The following SNTG1 variants were observed in gnomAD, a reference collection of about 807,000 sequenced individuals.
SNTG1 encodes the protein gamma-1-syntrophin.
SNTG1 carries 39 observed loss-of-function variants against 74.7 expected under a neutral mutation model. The observed-to-expected ratio is 0.52, with a 90% CI of 0.40 to 0.68. The LOEUF (loss-of-function observed/expected upper bound fraction) is 0.68, where lower values mean the gene tolerates loss of function less well. Ranked by LOEUF, SNTG1 falls within the 30% of genes least tolerant of loss-of-function variation. The pLI, the probability that SNTG1 is intolerant of heterozygous loss-of-function variation, is 0.00. For synonymous variants in SNTG1, 254 were observed against 217.1 expected (o/e 1.17, Z -1.49); for missense variants, 685 against 609.5 (o/e 1.12, Z -1.30).
chr8:50,571,617 C>T (rs1290139139), intron 12 of SNTG1, among the ~76,000 whole-genome samples: 1 of 152,158 alleles, frequency 6.6e-6, no homozygotes, highest in Non-Finnish European at 1.5e-5. Flanking sequence ...ACCCTAAGTT[C>T]CTTAGGCTCA....
intron 15 of SNTG1, among the ~76,000 whole-genome samples, chr8:50,697,335 T>C (rs1017501094): frequency 6.6e-6 from 1 of 152,158 alleles, no homozygotes; most frequent in Non-Finnish European, 1.5e-5. Context: ...TGGTGTAGTC[T>C]TCAGATTTTT....
At chr8:50,283,693 G>A (rs1412092115) in intron 2 of SNTG1, among the ~76,000 whole-genome samples, 2 of 151,986 alleles carry the variant, frequency 1.3e-5, no homozygotes, top group Non-Finnish European at 2.9e-5. Context: ...ACATTACCTG[G>A]CCAAATCATT....
At chr8:50,315,472 A>T (rs1000556277) in intron 2 of SNTG1, among the ~76,000 whole-genome samples, 1 of 150,034 alleles carries the variant, frequency 6.7e-6, no homozygotes, top group African/African-American at 2.5e-5. Context: ...ATTATGCAAC[A>T]TTGTTGAGAA....
At chr8:50,694,548 A>C (rs1203261468) in intron 15 of SNTG1, among the ~76,000 whole-genome samples, 1 of 152,112 alleles carries the variant, frequency 6.6e-6, no homozygotes, top group Non-Finnish European at 1.5e-5. Context: ...AATTACTCCA[A>C]ATAATTCATG....
intron 2 of SNTG1, among the ~76,000 whole-genome samples, chr8:50,335,222 A>T (rs1207570558): frequency 6.6e-6 from 1 of 152,062 alleles, no homozygotes; most frequent in African/African-American, 2.4e-5. Flanking sequence ...TATTAGTTTC[A>T]TATTGCAGTC....
chr8:50,000,608 C>T (rs1054826545), intron 1 of SNTG1, among the ~76,000 whole-genome samples: 1 of 152,162 alleles, frequency 6.6e-6, no homozygotes, highest in Non-Finnish European at 1.5e-5. Context: ...ATATCACAGA[C>T]TCTGTGCTAC....
At chr8:50,416,412 T>C (rs75621044) in intron 4 of SNTG1, among the ~76,000 whole-genome samples, 7,117 of 152,272 alleles carry the variant, frequency 0.047, 217 homozygotes, top group Middle Eastern at 0.095. Flanking sequence ...AAATGTGTAG[T>C]ACAAAAAGTG....
At chr8:50,583,003 T>G (rs936117615) in intron 12 of SNTG1, among the ~76,000 whole-genome samples, 1 of 152,106 alleles carries the variant, frequency 6.6e-6, no homozygotes, top group Non-Finnish European at 1.5e-5. Context: ...TTAAAAAAAT[T>G]GAATTTTATA....
intron 2 of SNTG1, among the ~76,000 whole-genome samples, chr8:50,356,563 T>C (rs2091821906): frequency 6.6e-6 from 1 of 152,182 alleles, no homozygotes; most frequent in Non-Finnish European, 1.5e-5. Flanking sequence ...AAGATCAAGA[T>C]GCCGGCATCC....
intron 8 of SNTG1, among the ~76,000 whole-genome samples, chr8:50,474,431 C>T (rs1313605310): frequency 6.6e-6 from 1 of 151,208 alleles, no homozygotes; most frequent in African/African-American, 2.4e-5. Context: ...TGAATAGACA[C>T]TTCTAAAAAG....
At chr8:50,424,371 G>A (rs540495195) in intron 4 of SNTG1, among the ~76,000 whole-genome samples, 1 of 152,236 alleles carries the variant, frequency 6.6e-6, no homozygotes, top group African/African-American at 2.4e-5. Flanking sequence ...GTTGACATTT[G>A]GAAGCTCCTC....
chr8:50,150,300 C>T lies in SNTG1; in HGVS notation c.-102-22261C>T, dbSNP rs533924453. On this transcript the variant is annotated intron_variant, in intron 1 of 18. Transcript: ENST00000642720. ...AGCTTAAGGAGATTTTGGGCTGAGA[C>T]GGTGGGGTTTTCTAAATATACAATC... is the stretch of plus-strand genomic sequence containing the variant. 1.7e-4 allele frequency among the ~76,000 whole-genome samples: 26 copies of T among 152,196 alleles called. No individual in the cohort carries two copies. The East Asian group carries it at 2.1e-3, about 12-fold the overall frequency.
At chr8:50,714,324 T>G (rs897399818) in intron 17 of SNTG1, among the ~76,000 whole-genome samples, 2 of 152,044 alleles carry the variant, frequency 1.3e-5, no homozygotes, top group Non-Finnish European at 2.9e-5. Context: ...TATGGGCTCT[T>G]TTTTGGTTCC....
At chr8:50,301,905 G>T (rs1246770144) in intron 2 of SNTG1, among the ~76,000 whole-genome samples, 1 of 150,904 alleles carries the variant, frequency 6.6e-6, no homozygotes, top group Non-Finnish European at 1.5e-5. Context: ...TGCCCAGGCT[G>T]GAGTGCAGTG....
At chr8:50,266,760 C>T (rs1447251338) in intron 2 of SNTG1, among the ~76,000 whole-genome samples, 1 of 145,970 alleles carries the variant, frequency 6.9e-6, no homozygotes, top group Admixed American at 7.0e-5. Flanking sequence ...TTAAGCTAAC[C>T]AAAAAAAGCG....
chr8:49,967,814 C>T (rs980587769), intron 1 of SNTG1, among the ~76,000 whole-genome samples: 1 of 152,162 alleles, frequency 6.6e-6, no homozygotes, highest in Non-Finnish European at 1.5e-5. Flanking sequence ...AGGTCTTAAG[C>T]AAATAATAAG....
chr8:50,409,150 G>A (rs992475986), intron 4 of SNTG1, among the ~76,000 whole-genome samples: 4 of 152,112 alleles, frequency 2.6e-5, no homozygotes, highest in Admixed American at 6.6e-5. Flanking sequence ...AGGAGGTGAC[G>A]CAGAGAAAAA....
chr8:50,084,421 C>G (rs1452260287), intron 1 of SNTG1, among the ~76,000 whole-genome samples: 1 of 152,116 alleles, frequency 6.6e-6, no homozygotes, highest in African/African-American at 2.4e-5. Context: ...GGTCACACCA[C>G]TGCACTCCAG....
chr8:49,927,445 A>G (rs747483322), intron 1 of SNTG1, among the ~76,000 whole-genome samples: 3 of 152,220 alleles, frequency 2.0e-5, no homozygotes, highest in African/African-American at 7.2e-5. Context: ...TTATTAAGCC[A>G]TGTAAAGACA....
Sources: gnomAD v4.1 joint callset for allele counts (sites outside exome capture counted in the v4.1 genomes callset) on GRCh38, gnomAD v4.1.1 for gene constraint, MANE v1.5 for transcripts, NCBI Gene and HGNC (gene_info 2026-07-23, HGNC 2026-07-21) for gene names.